Variants in G2E3 observed in about 807,000 individuals in gnomAD.
G2E3 encodes G2/M-phase specific E3 ubiquitin protein ligase.
A neutral mutation model predicts 92.8 loss-of-function variants in G2E3; 35 were observed. The observed-to-expected ratio is 0.38, with a 90% CI of 0.29 to 0.50. The LOEUF (loss-of-function observed/expected upper bound fraction) is 0.50, where lower values mean the gene tolerates loss of function less well. Among genes scored for constraint, G2E3 ranks in the 20% least tolerant of loss-of-function variants. G2E3 has a pLI of 0.94. For missense variants in G2E3, 554 were observed against 823.8 expected (o/e 0.67, Z 4.01); for synonymous variants, 242 against 272.4 (o/e 0.89, Z 1.10).
Position 30,616,383 on chromosome 14 carries a change from A to G in G2E3, c.1970A>G (p.His657Arg). 6.2e-7 allele frequency: 1 copy of G among 1,612,862 alleles called. No homozygotes were observed. The highest frequency in any genetic ancestry group is 8.5e-7 in the Non-Finnish European group (1 of 1,179,096). The change falls in exon 15 of 15, where the codon CAT becomes CGT. Residue 657 changes from histidine to arginine, a missense_variant. By Grantham distance (29) the His-to-Arg change is conservative (BLOSUM62 0). Coordinates refer to ENST00000206595, the MANE Select transcript of G2E3 (RefSeq NM_017769.5). ...CCCACTCCTTCAATTGAGTGTCTGC[A>G]TGTGGATTTTCCTGTTGGAAACAAG... ...FKPTPSIECL[H>R]VDFPVGNKCN...
chr14:30,599,190 C>G (rs1175080862), intron 8 of G2E3, among the ~76,000 whole-genome samples: 2 of 151,608 alleles, frequency 1.3e-5, no homozygotes, highest in Non-Finnish European at 2.9e-5. Flanking sequence ...GGTTTAGGGC[C>G]CACCTATCTG....
intron 8 of G2E3, among the ~76,000 whole-genome samples, chr14:30,599,139 C>T (rs170665): frequency 0.49 from 74,078 of 151,980 alleles, 21,061 homozygotes; most frequent in African/African-American, 0.79. Context: ...GTGTTGTCTA[C>T]GTCCTAATCT....
intron 1 of G2E3, chr14:30,559,583 T>A (rs1021265708): frequency 6.6e-6 from 1 of 152,194 alleles, no homozygotes; most frequent in Admixed American, 6.5e-5. Flanking sequence ...ACCCGTAGTT[T>A]ATTATTTCCA....
At chr14:30,576,292 G>A (rs1880085188) in intron 1 of G2E3, among the ~76,000 whole-genome samples, 1 of 152,202 alleles carries the variant, frequency 6.6e-6, no homozygotes, top group Admixed American at 6.5e-5. Flanking sequence ...TTTATTAAAT[G>A]GTGCTGGGAT....
intron 10 of G2E3, among the ~76,000 whole-genome samples, chr14:30,603,097 G>A (rs1205547274): frequency 4.5e-4 from 68 of 152,136 alleles, no homozygotes; most frequent in Admixed American, 4.5e-3. Context: ...GGAAACCTAG[G>A]CGGGCGGATC....
intron 10 of G2E3, among the ~76,000 whole-genome samples, chr14:30,602,479 T>C (rs1330962704): frequency 6.6e-6 from 1 of 152,200 alleles, no homozygotes; most frequent in Non-Finnish European, 1.5e-5. Flanking sequence ...CAAGATAGTT[T>C]GAAAAACACT....
intron 7 of G2E3, chr14:30,598,188 C>G: frequency 3.8e-6 from 1 of 260,970 alleles, no homozygotes; most frequent in South Asian, 4.6e-5. Flanking sequence ...AGTTCAAGAC[C>G]AGCCTTGCCA....
intron 1 of G2E3, among the ~76,000 whole-genome samples, chr14:30,578,852 C>T (rs1461536176): frequency 6.6e-6 from 1 of 152,158 alleles, no homozygotes; most frequent in East Asian, 1.9e-4. Flanking sequence ...AACCCTTCTA[C>T]ACACACGCTT....
chr14:30,564,638 A>C (rs562179603), intron 1 of G2E3, among the ~76,000 whole-genome samples: 1 of 152,314 alleles, frequency 6.6e-6, no homozygotes, highest in South Asian at 2.1e-4. Flanking sequence ...CCAGTCAAAA[A>C]TTAGCCATTT....
chr14:30,586,749 T>C lies in G2E3; in HGVS notation c.69T>C (p.Cys23=). The C allele has an allele frequency of 7.0e-7, 1 of 1,433,874 alleles. No individual in the cohort carries two copies. The allele number at this position is 1,433,874 out of a possible 1,614,324, so 88.8% of individuals were successfully genotyped here. ...ACVFCRKHDD[C]PNKYGEKKTK... The stretch of plus-strand genomic sequence containing the variant: ...TTTTCTGTCGAAAACATGATGACTG[T>C]CCTAATAAATACGGAGAAAAGAAAA... The change falls in exon 3 of 15, where the codon TGT becomes TGC. Residue 23 remains cysteine, a synonymous_variant. Coordinates refer to ENST00000206595, the MANE Select transcript of G2E3 (RefSeq NM_017769.5).
intron 5 of G2E3, 57 bp from the exon 6 acceptor site, chr14:30,593,417 T>C: frequency 1.3e-6 from 1 of 799,394 alleles, no homozygotes; most frequent in Non-Finnish European, 2.1e-6. Context: ...ATTACAGTGT[T>C]TTCCAAGTTT....
At chr14:30,567,883 C>T (rs1413554544) in intron 1 of G2E3, among the ~76,000 whole-genome samples, 1 of 152,006 alleles carries the variant, frequency 6.6e-6, no homozygotes, top group Non-Finnish European at 1.5e-5. Flanking sequence ...TAGTTTCATT[C>T]CATAGTCATT....
Position 30,605,648 on chromosome 14 carries a change from A to G in G2E3, c.1154A>G (p.Asn385Ser). Residue 385 changes from asparagine to serine, a missense_variant, in exon 11 of 15, where the codon AAT (asparagine) becomes AGT (serine). Physicochemically the swap from Asn to Ser is conservative, Grantham distance 46. This residue lies in a region of G2E3 where 397 missense variants were observed against 560.3 expected (regional missense o/e 0.71). Coordinates refer to ENST00000206595, the MANE Select transcript of G2E3 (RefSeq NM_017769.5). ...ALDAFRNRNFNPSYAIEVAYV... is the reference protein window; with the variant it reads ...ALDAFRNRNFSPSYAIEVAYV... ...GATGCATTCAGAAATCGAAACTTTA[A>G]TCCTTCATATGCAATTGAAGTAGCA... 6.2e-7 allele frequency: 1 copy of G among 1,609,764 alleles called. No homozygotes were observed. The highest frequency in any genetic ancestry group is 8.5e-7 in the Non-Finnish European group (1 of 1,176,542).
rs76296662 is a variant in G2E3, at chr14:30,585,649, C to CT, written c.38-1058dup. 6.4e-3 allele frequency among the ~76,000 whole-genome samples: 923 copies of CT among 144,812 alleles called. 16 individuals are homozygous for CT. Among genetic ancestry groups the CT allele is most frequent in the African/African-American group, 0.021 (832 of 39,744 alleles). On this transcript the variant is annotated intron_variant, in intron 2 of 14. Coordinates refer to ENST00000206595, the MANE Select transcript of G2E3 (RefSeq NM_017769.5). ...TTTGTTGATCTTTAAAAAGAACCAA[C>CT]TTTTTTTTTTTACTCCCTCTATTGT... is the stretch of plus-strand genomic sequence containing the variant.
chr14:30,599,400 G>C (rs187068445), intron 8 of G2E3, among the ~76,000 whole-genome samples: 1 of 152,106 alleles, frequency 6.6e-6, no homozygotes, highest in Non-Finnish European at 1.5e-5. Flanking sequence ...GCTAATTTTT[G>C]TATTTTTTAG....
At chr14:30,565,884 G>T (rs1879402672) in intron 1 of G2E3, among the ~76,000 whole-genome samples, 1 of 151,752 alleles carries the variant, frequency 6.6e-6, no homozygotes, top group African/African-American at 2.4e-5. Flanking sequence ...GGATGGTCTT[G>T]ATCTCCTGAC....
intron 10 of G2E3, chr14:30,602,677 T>A (rs1881629796): frequency 6.6e-6 from 1 of 152,488 alleles, no homozygotes; most frequent in Admixed American, 6.5e-5. Context: ...AGTGGCATGA[T>A]CATGGCTCAC....
chr14:30,609,662 G>A (rs1027843467), intron 12 of G2E3, among the ~76,000 whole-genome samples: 6 of 152,136 alleles, frequency 3.9e-5, no homozygotes, highest in Middle Eastern at 6.3e-3. Flanking sequence ...TAAGACCTGG[G>A]TCTTGCTAGC....
intron 6 of G2E3, among the ~76,000 whole-genome samples, chr14:30,594,610 A>G (rs962977773): frequency 3.3e-5 from 5 of 151,804 alleles, no homozygotes; most frequent in East Asian, 1.9e-4. Context: ...GGAGAATGGC[A>G]TGAACCCGGA....
Sources: allele counts gnomAD v4.1 joint callset (sites outside exome capture counted in the v4.1 genomes callset), GRCh38; gene constraint gnomAD v4.1.1; regional missense constraint gnomAD v4.1.1; transcripts MANE v1.5; gene names NCBI Gene and HGNC (gene_info 2026-07-23, HGNC 2026-07-21).